NBEA: variants seen among roughly 807,000 people sequenced by gnomAD.
NBEA encodes the protein lysosomal-trafficking regulator 2.
NBEA carries 44 observed loss-of-function variants against 343.4 expected under a neutral mutation model. The observed-to-expected ratio is 0.13, with a 90% CI of 0.10 to 0.16. The LOEUF is 0.16. NBEA is among the 10% of genes least tolerant of loss of function. The probability of loss-of-function intolerance (pLI) is 1.00; values close to 1 mark genes in which losing one functional copy is unlikely to be tolerated. For missense variants in NBEA, 2,555 were observed against 3,631.3 expected, an observed-to-expected ratio of 0.70 and a Z score of 7.62; for synonymous variants, 1,175 against 1,238.7, an observed-to-expected ratio of 0.95 and a Z score of 1.08.
At chr13:34,988,586 G>C (rs1159673610) in intron 1 of NBEA, among the ~76,000 whole-genome samples, 1 of 151,072 alleles carries the variant, frequency 6.6e-6, no homozygotes, top group African/African-American at 2.4e-5. Flanking sequence ...CTCTGTGGGC[G>C]TGGGATCCGC....
At chr13:35,411,577 C>T (rs1462153345) in intron 38 of NBEA, among the ~76,000 whole-genome samples, 2 of 152,050 alleles carry the variant, frequency 1.3e-5, no homozygotes, top group Non-Finnish European at 2.9e-5. Context: ...CCTGCCTCAC[C>T]TCCTGAATAG....
chr13:35,449,574 T>G (rs757043998), intron 39 of NBEA, among the ~76,000 whole-genome samples: 1 of 152,170 alleles, frequency 6.6e-6, no homozygotes, highest in African/African-American at 2.4e-5. Context: ...CCTCTTTTGT[T>G]CTCAAATGAT....
intron 38 of NBEA, among the ~76,000 whole-genome samples, chr13:35,371,250 C>G (rs2041414740): frequency 6.6e-6 from 1 of 151,966 alleles, no homozygotes; most frequent in South Asian, 2.1e-4. Context: ...ACTAAAAATT[C>G]AAATATTTAG....
intron 10 of NBEA, among the ~76,000 whole-genome samples, chr13:35,089,977 G>T (rs1274392684): frequency 1.3e-5 from 2 of 150,540 alleles, no homozygotes; most frequent in Non-Finnish European, 3.0e-5. Context: ...GAGTTAGTGG[G>T]TGCAGCGCAC....
chr13:35,535,279 G>T (rs866368819), intron 41 of NBEA, among the ~76,000 whole-genome samples: 2 of 152,196 alleles, frequency 1.3e-5, no homozygotes, highest in African/African-American at 2.4e-5. Flanking sequence ...TGTAGTTGAA[G>T]CATGAAGGTG....
At chr13:35,332,316 G>T (rs1030938892) in intron 36 of NBEA, among the ~76,000 whole-genome samples, 1 of 151,958 alleles carries the variant, frequency 6.6e-6, no homozygotes, top group Non-Finnish European at 1.5e-5. Context: ...GCGTGGCAGG[G>T]GTTATAAGAA....
In NBEA at chr13:35,667,146, T is replaced by C. The variant is rs1411462612; in HGVS notation, c.8465-228T>C. The stretch of plus-strand genomic sequence containing the variant: ...TTACCTGACAAAGGAAAAGACCAAG[T>C]ATCTACCTGGTGAAGAAGCGTGCGG... On this transcript the variant is annotated intron_variant, in intron 56 of 58. Coordinates refer to ENST00000379939, the MANE Select transcript of NBEA (RefSeq NM_001385012.1). Among the ~76,000 whole-genome samples the C allele has an allele frequency of 2.0e-5, 3 of 152,186 alleles. No homozygotes were observed. The East Asian group carries it at 5.8e-4, about 29-fold the overall frequency.
At chr13:35,212,156 T>C (rs1274070542) in intron 33 of NBEA, among the ~76,000 whole-genome samples, 1 of 152,182 alleles carries the variant, frequency 6.6e-6, no homozygotes, top group Admixed American at 6.6e-5. Flanking sequence ...TACTTTGCAC[T>C]TTTTTCCCAG....
intron 39 of NBEA, among the ~76,000 whole-genome samples, chr13:35,445,048 T>C (rs2045921842): frequency 6.6e-6 from 1 of 152,248 alleles, no homozygotes; most frequent in Admixed American, 6.5e-5. Flanking sequence ...AACACTGTTA[T>C]AACAGCATGG....
chr13:35,131,483 A>G (rs1406990394), intron 17 of NBEA, among the ~76,000 whole-genome samples: 3 of 152,220 alleles, frequency 2.0e-5, no homozygotes, highest in African/African-American at 4.8e-5. Flanking sequence ...AATTTTCATA[A>G]AATTCAGTAT....
intron 33 of NBEA, among the ~76,000 whole-genome samples, chr13:35,212,347 C>A (rs2073830153): frequency 1.3e-5 from 2 of 151,910 alleles, no homozygotes; most frequent in African/African-American, 4.8e-5. Context: ...CGAGTTTATT[C>A]ATTTATTCTC....
intron 17 of NBEA, among the ~76,000 whole-genome samples, chr13:35,128,747 A>G (rs779638902): frequency 3.3e-5 from 5 of 152,192 alleles, no homozygotes; most frequent in Admixed American, 6.5e-5. Flanking sequence ...AGAATCATCA[A>G]ACTGTGTACC....
At chr13:35,332,122 C>T (rs1348098814) in intron 36 of NBEA, among the ~76,000 whole-genome samples, 1 of 151,968 alleles carries the variant, frequency 6.6e-6, no homozygotes, top group Non-Finnish European at 1.5e-5. Flanking sequence ...TGACAGGTAC[C>T]ATGCAAATCA....
At chr13:35,499,682 C>T (rs974397117) in intron 41 of NBEA, among the ~76,000 whole-genome samples, 19 of 152,054 alleles carry the variant, frequency 1.2e-4, no homozygotes, top group South Asian at 2.1e-4. Context: ...ATCATGCACC[C>T]GCTTGTCTCT....
At chr13:35,176,272 A>G (rs2070892228) in intron 27 of NBEA, among the ~76,000 whole-genome samples, 1 of 152,100 alleles carries the variant, frequency 6.6e-6, no homozygotes, top group African/African-American at 2.4e-5. Flanking sequence ...TTTATTTTTC[A>G]TTGTTAGAGT....
chr13:35,310,797 G>T (rs2037309965), intron 36 of NBEA, among the ~76,000 whole-genome samples: 1 of 152,104 alleles, frequency 6.6e-6, no homozygotes, highest in East Asian at 1.9e-4. Flanking sequence ...GATTAATGAG[G>T]AAATAATGCT....
At chr13:35,085,302 A>G (rs966368626) in intron 10 of NBEA, among the ~76,000 whole-genome samples, 5 of 152,142 alleles carry the variant, frequency 3.3e-5, no homozygotes, top group African/African-American at 1.2e-4. Flanking sequence ...TTAGACCAAT[A>G]TCCCTGATGA....
intron 1 of NBEA, among the ~76,000 whole-genome samples, chr13:35,005,478 T>C (rs2061287375): frequency 6.6e-6 from 1 of 152,170 alleles, no homozygotes. Context: ...AAACCTTTAA[T>C]CTCTGACCCT....
At chr13:35,430,130 T>C (rs1312587713) in intron 38 of NBEA, among the ~76,000 whole-genome samples, 2 of 152,182 alleles carry the variant, frequency 1.3e-5, no homozygotes, top group Non-Finnish European at 2.9e-5. Flanking sequence ...CATTTTTTTT[T>C]TGAATTTTTT....
Sources: allele counts gnomAD v4.1 joint callset (sites outside exome capture counted in the v4.1 genomes callset), GRCh38; gene constraint gnomAD v4.1.1; transcripts MANE v1.5; gene names NCBI Gene and HGNC (gene_info 2026-07-23, HGNC 2026-07-21).